Variants in DPP6 observed in about 807,000 individuals in gnomAD.
The protein encoded by DPP6 is dipeptidyl peptidase like 6.
A neutral mutation model predicts 122.6 loss-of-function variants in DPP6; 69 were observed. The observed-to-expected ratio is 0.56, with a 90% confidence interval of 0.46 to 0.69. The LOEUF is 0.69. Ranked by LOEUF, DPP6 falls within the 30% of genes least tolerant of loss-of-function variation. The probability of loss-of-function intolerance (pLI) is 0.00; values close to 1 mark genes in which losing one functional copy is unlikely to be tolerated. For missense variants in DPP6, 928 were observed against 1,116.9 expected (o/e 0.83, Z 2.41); for synonymous variants, 418 against 433.1 (o/e 0.97, Z 0.43).
intron 9 of DPP6, among the ~76,000 whole-genome samples, chr7:154,772,531 T>A (rs913434146): frequency 1.3e-5 from 2 of 152,016 alleles, no homozygotes; most frequent in Admixed American, 1.3e-4. Context: ...CCATCTTTTC[T>A]CCCCCACTCC....
chr7:154,098,899 C>T (rs1045092490), intron 1 of DPP6, among the ~76,000 whole-genome samples: 1 of 152,228 alleles, frequency 6.6e-6, no homozygotes, highest in African/African-American at 2.4e-5. Flanking sequence ...TATCTAAACT[C>T]ATTCTTGCCC....
intron 1 of DPP6, among the ~76,000 whole-genome samples, chr7:154,374,724 G>C (rs1047740243): frequency 6.6e-6 from 1 of 151,372 alleles, no homozygotes; most frequent in Admixed American, 6.6e-5. Context: ...CGATTCTCCT[G>C]CCTCAGCCTC....
rs564969044 is a variant in DPP6, at chr7:154,869,227, C to T, written c.1813+1134C>T. 2.5e-3 allele frequency among the ~76,000 whole-genome samples: 379 copies of T among 152,252 alleles called. 3 individuals carry two copies. Among genetic ancestry groups the T allele is most frequent in the Non-Finnish European group, 3.9e-3 (265 of 68,014 alleles). ...CCTGACACGAGACAGCAGCGTGTCG[C>T]CTGGAGCCTAGGGTATTCGCTGGCA... On this transcript the variant is annotated intron_variant, in intron 18 of 25. Coordinates refer to ENST00000377770, the MANE Select transcript of DPP6 (RefSeq NM_130797.4).
intron 1 of DPP6, among the ~76,000 whole-genome samples, chr7:154,206,755 A>G (rs989202405): frequency 6.6e-6 from 1 of 152,232 alleles, no homozygotes; most frequent in African/African-American, 2.4e-5. Context: ...TTGGAACTGG[A>G]TGGAAGTGGT....
At chr7:154,352,857 A>T (rs1810988312) in intron 1 of DPP6, among the ~76,000 whole-genome samples, 1 of 152,178 alleles carries the variant, frequency 6.6e-6, no homozygotes. Flanking sequence ...TTAGATGCAG[A>T]TGTTTATGCA....
Position 154,247,620 on chromosome 7 carries a change from AAAC to A in DPP6, c.243+194562_243+194564del, listed in dbSNP as rs1370241389. ...AGCACCAAATATTGGCAGGGATGTA[AAAC>A]AACACAAACGCTCATACATTCTTGG... On this transcript the variant is annotated intron_variant, in intron 1 of 25. Coordinates refer to ENST00000377770, the MANE Select transcript of DPP6 (RefSeq NM_130797.4). Among the ~76,000 whole-genome samples the A allele has an allele frequency of 4.6e-5, 7 of 152,164 alleles. No individual in the cohort carries two copies. In the East Asian group the frequency reaches 1.3e-3, roughly 29 times the overall value.
At chr7:154,859,757 A>T (rs1803188896) in intron 17 of DPP6, among the ~76,000 whole-genome samples, 1 of 151,982 alleles carries the variant, frequency 6.6e-6, no homozygotes, top group Admixed American at 6.5e-5. Context: ...GTACTGGGAT[A>T]AAAAAACCAA....
chr7:154,395,945 AGT>A (rs1815043101), intron 1 of DPP6, among the ~76,000 whole-genome samples: 1 of 64,338 alleles, frequency 1.6e-5, no homozygotes, highest in Non-Finnish European at 4.3e-5. Flanking sequence ...TAATTTCTTG[AGT>A]TTTTTTTTTT....
At chr7:154,883,911 C>G (rs1354180558) in intron 21 of DPP6, 1 of 123,818 alleles carries the variant, frequency 8.1e-6, no homozygotes, top group African/African-American at 3.4e-5. Flanking sequence ...CATACACATG[C>G]TCACACACGC....
chr7:154,664,587 T>C (rs1168020483), intron 6 of DPP6, among the ~76,000 whole-genome samples: 2 of 152,134 alleles, frequency 1.3e-5, no homozygotes. Flanking sequence ...AACCTACCTT[T>C]ATTTACTAAT....
At chr7:153,876,491 C>G in the DPP6 span, among the ~76,000 whole-genome samples, 1 of 151,524 alleles carries the variant, frequency 6.6e-6, no homozygotes, top group Non-Finnish European at 1.5e-5. Context: ...TGAGATTAAG[C>G]TAAAAGTTAA....
intron 1 of DPP6, among the ~76,000 whole-genome samples, chr7:154,312,498 T>C (rs1806992302): frequency 6.6e-6 from 1 of 152,208 alleles, no homozygotes. Flanking sequence ...CTGCCAGAAT[T>C]CAAGAAAAAC....
rs918065950 is a variant in DPP6, at chr7:154,330,025, C to T, written c.244-116189C>T. On this transcript the variant is annotated intron_variant, in intron 1 of 25. Transcript: ENST00000377770. Reference sequence around the variant, plus strand: ...GGAGGGGAACATCACACACTGGGGCCTGTCGGGCGGTGGAGGGGAAGGGGA... The same window carrying T: ...GGAGGGGAACATCACACACTGGGGCTTGTCGGGCGGTGGAGGGGAAGGGGA... Among the ~76,000 whole-genome samples, 4 of 152,064 alleles carry T rather than the reference C, an allele frequency of 2.6e-5. No homozygotes were observed. The South Asian group carries it at 6.2e-4, about 24-fold the overall frequency.
At chr7:154,182,599 C>G (rs1798148103) in intron 1 of DPP6, among the ~76,000 whole-genome samples, 2 of 152,158 alleles carry the variant, frequency 1.3e-5, no homozygotes, top group South Asian at 4.1e-4. Flanking sequence ...CAGCACTGCT[C>G]ACACACAGAT....
chr7:154,212,900 A>G (rs990681963), intron 1 of DPP6, among the ~76,000 whole-genome samples: 8 of 152,178 alleles, frequency 5.3e-5, no homozygotes, highest in Non-Finnish European at 1.2e-4. Context: ...TCCAGGAAAC[A>G]TCTCTGAGTT....
intron 3 of DPP6, among the ~76,000 whole-genome samples, chr7:154,511,717 A>C (rs576615502): frequency 6.6e-6 from 1 of 152,354 alleles, no homozygotes; most frequent in Non-Finnish European, 1.5e-5. Flanking sequence ...GCATCCTGGT[A>C]ACACCTAATT....
intron 1 of DPP6, among the ~76,000 whole-genome samples, chr7:154,248,365 C>G (rs1802125804): frequency 6.6e-6 from 1 of 151,480 alleles, no homozygotes; most frequent in African/African-American, 2.4e-5. Flanking sequence ...GGAAGCCAGG[C>G]AAAAAGGACG....
chr7:153,897,719 A>T (rs1004101692), intron 1 of DPP6, among the ~76,000 whole-genome samples: 2 of 152,158 alleles, frequency 1.3e-5, no homozygotes, highest in Admixed American at 1.3e-4. Flanking sequence ...TTTTTATTCA[A>T]TCATTGCCAT....
intron 5 of DPP6, among the ~76,000 whole-genome samples, chr7:154,589,593 A>G (rs960758331): frequency 2.6e-5 from 4 of 152,238 alleles, no homozygotes; most frequent in Non-Finnish European, 5.9e-5. Flanking sequence ...GCTCTTGAGC[A>G]TGGGGAATGT....
Sources: gnomAD v4.1 joint callset for allele counts (sites outside exome capture counted in the v4.1 genomes callset) on GRCh38, gnomAD v4.1.1 for gene constraint, MANE v1.5 for transcripts, NCBI Gene and HGNC (gene_info 2026-07-23, HGNC 2026-07-21) for gene names.